The following SASH1 variants were observed in gnomAD, a reference collection of about 807,000 sequenced individuals.
SASH1 encodes SAM and SH3 domain-containing protein 1.
Under a neutral mutation model 125.2 loss-of-function variants are expected in SASH1, and 44 were observed. The ratio of observed to expected loss-of-function variants is 0.35; its 90% CI spans 0.28 to 0.45. SASH1 has a LOEUF of 0.45. Among genes scored for constraint, SASH1 ranks in the 20% least tolerant of loss-of-function variants. The pLI is 1.00. For synonymous variants in SASH1, 639 were observed against 649.1 expected (o/e 0.98, Z 0.24); for missense variants, 1,426 against 1,614.5 (o/e 0.88, Z 2.00).
chr6:148,314,111 G>T (rs369332764), intron 1 of SASH1, among the ~76,000 whole-genome samples: 1 of 152,256 alleles, frequency 6.6e-6, no homozygotes. Flanking sequence ...GCGACACTGG[G>T]AGCCTTACCA....
chr6:148,406,474 C>T (rs1029175213), intron 2 of SASH1, among the ~76,000 whole-genome samples: 1 of 152,220 alleles, frequency 6.6e-6, no homozygotes, highest in African/African-American at 2.4e-5. Context: ...AGAACAGTGT[C>T]CTCTCCATCA....
At chr6:148,391,192 T>C (rs755248252) in intron 2 of SASH1, among the ~76,000 whole-genome samples, 1 of 151,482 alleles carries the variant, frequency 6.6e-6, no homozygotes, top group Non-Finnish European at 1.5e-5. Context: ...TCACCACAAC[T>C]TCCACCTCCC....
At chr6:148,339,029 G>A (rs946698968), upstream of SASH1, among the ~76,000 whole-genome samples, 1,503 of 136,838 alleles carry the variant, frequency 0.011, 29 homozygotes, top group African/African-American at 0.039. Context: ...AAAAAAGAGA[G>A]AGAGAGATAA....
chr6:148,512,367 T>C, intron 8 of SASH1: 2 of 520,164 alleles, frequency 3.8e-6, no homozygotes, highest in Non-Finnish European at 4.9e-6. Flanking sequence ...TTCTATAACA[T>C]AATGTTGATT....
intron 2 of SASH1, 100 bp downstream of exon 2, chr6:148,390,362 A>G (rs1227398292): frequency 4.2e-6 from 5 of 1,192,964 alleles, no homozygotes; most frequent in African/African-American, 1.5e-5. Context: ...CTGGGGTATC[A>G]ATCTGTAGGC....
chr6:148,471,519 T>C lies in SASH1; in HGVS notation c.514+16T>C, dbSNP rs1397822951. On this transcript the variant is annotated intron_variant, in intron 6 of 19. Coordinates refer to ENST00000367467, the MANE Select transcript of SASH1 (RefSeq NM_015278.5). ...ACTTCAAAAGGTACTGCAATGCAGC[T>C]GGCGGACAGTAGGTCCTTTTAGCTC... 2 of 1,478,970 alleles carry C rather than the reference T, an allele frequency of 1.4e-6. No homozygotes were observed. Among genetic ancestry groups the C allele is most frequent in the East Asian group, 2.3e-5 (1 of 44,082 alleles). 91.6% of individuals were successfully genotyped at this position (1,478,970 alleles called of 1,614,324 possible).
rs572491356 is a variant in SASH1, at chr6:148,527,216, C to A, written c.1285-237C>A. ...AAAAATGTAACCTGATAAGAATGTA[C>A]TAAAAGTAAGTAAAATAAAAAGTGA... On this transcript the variant is annotated intron_variant, in intron 11 of 19. Transcript: ENST00000367467. 3,373 of 416,570 alleles carry A rather than the reference C, an allele frequency of 8.1e-3. 127 individuals are homozygous for A. The highest frequency in any genetic ancestry group is 0.073 in the East Asian group (1,582 of 21,574). 25.8% of individuals were successfully genotyped at this position (416,570 alleles called of 1,614,324 possible). A position where few individuals can be genotyped will look rare whatever the true frequency, so the allele number is the denominator to read the frequency against.
chr6:148,262,726 T>C, the SASH1 span, among the ~76,000 whole-genome samples: 1 of 151,830 alleles, frequency 6.6e-6, no homozygotes, highest in Non-Finnish European at 1.5e-5. Context: ...CTAGTAAAAA[T>C]ACAAAAATCA....
At chr6:148,446,590 TAGGGAGGGCCA>T (rs1776804812) in intron 4 of SASH1, among the ~76,000 whole-genome samples, 1 of 152,170 alleles carries the variant, frequency 6.6e-6, no homozygotes, top group Non-Finnish European at 1.5e-5. Context: ...AAGCCAACTG[TAGGGAGGGCCA>T]CCTGGCTATT....
In SASH1 at chr6:148,511,487, T is replaced by G. The variant is rs529461111; in HGVS notation, c.730-2837T>G. 1.4e-4 allele frequency among the ~76,000 whole-genome samples: 22 copies of G among 152,300 alleles called. No homozygotes were observed. The East Asian group carries it at 3.7e-3, about 25-fold the overall frequency. The stretch of plus-strand genomic sequence containing the variant: ...AAAAGAAGGACTTGGTTGCCATGGT[T>G]TGTGATTTGTCAGTGACAAACACCT... On this transcript the variant is annotated intron_variant, in intron 8 of 19. Coordinates refer to ENST00000367467, the MANE Select transcript of SASH1 (RefSeq NM_015278.5).
chr6:148,394,311 G>T (rs1177109977), intron 2 of SASH1, among the ~76,000 whole-genome samples: 3 of 152,148 alleles, frequency 2.0e-5, no homozygotes, highest in Non-Finnish European at 4.4e-5. Context: ...TGGCTCCAAA[G>T]TCTAGATGTC....
the SASH1 span, among the ~76,000 whole-genome samples, chr6:148,205,912 G>A: frequency 2.0e-5 from 3 of 152,074 alleles, no homozygotes; most frequent in Admixed American, 1.3e-4. Flanking sequence ...GCAGCTGAGC[G>A]AGCTCTATCC....
At chr6:148,343,582 T>C (rs1219369225) in intron 1 of SASH1, among the ~76,000 whole-genome samples, 1 of 152,246 alleles carries the variant, frequency 6.6e-6, no homozygotes, top group Non-Finnish European at 1.5e-5. Context: ...CTGATGTTAC[T>C]GATGTTTATC....
intron 1 of SASH1, among the ~76,000 whole-genome samples, chr6:148,278,353 A>G (rs1463387916): frequency 1.3e-5 from 2 of 152,052 alleles, no homozygotes; most frequent in African/African-American, 4.8e-5. Context: ...GGCTTATTAA[A>G]TGTCTGCCCA....
intron 1 of SASH1, among the ~76,000 whole-genome samples, chr6:148,359,145 G>A (rs1583018309): frequency 6.6e-6 from 1 of 151,836 alleles, no homozygotes; most frequent in South Asian, 2.1e-4. Context: ...TTGCAGTTAT[G>A]GCTTGTTTCT....
rs1448181478 is a variant in SASH1, at chr6:148,514,100, G to A, written c.730-224G>A. 9 of 1,277,544 alleles carry A rather than the reference G, an allele frequency of 7.0e-6. No individual in the cohort carries two copies. In the East Asian group the frequency reaches 3.0e-4, roughly 42 times the overall value. The allele number at this position is 1,277,544 out of a possible 1,614,324, so 79.1% of individuals were successfully genotyped here. A position where few individuals can be genotyped will look rare whatever the true frequency, so the allele number is the denominator to read the frequency against. On this transcript the variant is annotated intron_variant, in intron 8 of 19. Coordinates refer to ENST00000367467, the MANE Select transcript of SASH1 (RefSeq NM_015278.5). ...CACTTGCCCCCACTTGCCCTTGAGG[G>A]CAAGGATGTGTGTTTCCGTGCCTAG...
chr6:148,430,864 G>C (rs1776031984), intron 2 of SASH1, among the ~76,000 whole-genome samples: 1 of 152,222 alleles, frequency 6.6e-6, no homozygotes, highest in South Asian at 2.1e-4. Context: ...GTTGACAATA[G>C]TGATTAGAGG....
At chr6:148,307,542 G>A (rs1008016569) in intron 1 of SASH1, among the ~76,000 whole-genome samples, 2 of 152,056 alleles carry the variant, frequency 1.3e-5, no homozygotes, top group African/African-American at 4.8e-5. Flanking sequence ...TATGAAACAG[G>A]TTCCGTGGCT....
intron 2 of SASH1, among the ~76,000 whole-genome samples, chr6:148,417,038 A>G (rs17078353): frequency 0.12 from 18,344 of 152,206 alleles, 1,129 homozygotes; most frequent in Middle Eastern, 0.2. Flanking sequence ...GTGTCTGCTC[A>G]TAGCTAGGTC....
Sources: allele counts gnomAD v4.1 joint callset (sites outside exome capture counted in the v4.1 genomes callset), GRCh38; gene constraint gnomAD v4.1.1; transcripts MANE v1.5; gene names NCBI Gene and HGNC (gene_info 2026-07-23, HGNC 2026-07-21).